STK10: variants seen among roughly 807,000 people sequenced by gnomAD.
The protein encoded by STK10 is serine/threonine-protein kinase 10.
STK10 carries 78 observed loss-of-function variants against 113.8 expected under a neutral mutation model. The observed-to-expected ratio is 0.69, with a 90% confidence interval of 0.57 to 0.83. STK10 has a LOEUF of 0.83. Ranked by LOEUF, STK10 falls within the 40% of genes least tolerant of loss-of-function variation. STK10 has a pLI of 0.00. For missense variants in STK10, 1,109 were observed against 1,280.1 expected (o/e 0.87, Z 2.04); for synonymous variants, 465 against 494.7 (o/e 0.94, Z 0.80).
intron 8 of STK10, 138 bp downstream of exon 8, chr5:172,096,288 T>C (rs546816372): frequency 2.7e-4 from 369 of 1,378,864 alleles, no homozygotes; most frequent in Admixed American, 6.0e-4. Flanking sequence ...ACCTGCAGCG[T>C]GGGAGTCTGC....
At chr5:172,068,934 A>C (rs1454014609) in intron 12 of STK10, among the ~76,000 whole-genome samples, 1 of 152,102 alleles carries the variant, frequency 6.6e-6, no homozygotes, top group East Asian at 1.9e-4. Context: ...AAAATTGAGA[A>C]AGTATCAAGA....
chr5:172,166,507 A>G (rs1736769731), intron 1 of STK10, among the ~76,000 whole-genome samples: 1 of 152,186 alleles, frequency 6.6e-6, no homozygotes, highest in African/African-American at 2.4e-5. Flanking sequence ...CATAATCTAT[A>G]AGGTGACATT....
rs1257579494 is a variant in STK10, at chr5:172,173,535, A to C, written c.156+14352T>G. On this transcript the variant is annotated intron_variant, in intron 1 of 18. Coordinates refer to ENST00000176763, the MANE Select transcript of STK10 (RefSeq NM_005990.4). ...CTTCTGGTGCCCTCAACTACAACTC[A>C]CCCTGGGGCAGGCACGGAGCTGAGA... Among the ~76,000 whole-genome samples the C allele has an allele frequency of 4.6e-5, 7 of 151,970 alleles. No homozygotes were observed. The East Asian group carries it at 1.3e-3, about 29-fold the overall frequency.
In STK10 at chr5:172,138,414, G is replaced by A. The variant is rs189029603; in HGVS notation, c.322-10993C>T. 1.7e-3 allele frequency among the ~76,000 whole-genome samples: 257 copies of A among 152,186 alleles called. 1 individual carries two copies. Among genetic ancestry groups the A allele is most frequent in the Non-Finnish European group, 2.7e-3 (186 of 68,020 alleles). Reference sequence around the variant, plus strand: ...TGGGATTACAGGCATGAGCCACTGCGCCCAGCCAATAAAATTATTTCTGTT... The same window carrying A: ...TGGGATTACAGGCATGAGCCACTGCACCCAGCCAATAAAATTATTTCTGTT... On this transcript the variant is annotated intron_variant, in intron 2 of 18. Coordinates refer to ENST00000176763, the MANE Select transcript of STK10 (RefSeq NM_005990.4).
chr5:172,153,683 T>G (rs143457189), intron 2 of STK10, among the ~76,000 whole-genome samples: 161 of 152,328 alleles, frequency 1.1e-3, no homozygotes, highest in Non-Finnish European at 1.9e-3. Context: ...CATGGAAAAG[T>G]GGGCTCCTAA....
intron 1 of STK10, among the ~76,000 whole-genome samples, chr5:172,157,426 T>C (rs577011486): frequency 2.6e-5 from 4 of 152,050 alleles, no homozygotes; most frequent in Non-Finnish European, 5.9e-5. Flanking sequence ...TGTGGTGGCA[T>C]GCGCCTGTAG....
chr5:172,138,459 T>C (rs1326031488), intron 2 of STK10, among the ~76,000 whole-genome samples: 3 of 152,138 alleles, frequency 2.0e-5, no homozygotes, highest in Non-Finnish European at 2.9e-5. Flanking sequence ...CATAATCTTA[T>C]ATGTAGAAAA....
intron 2 of STK10, among the ~76,000 whole-genome samples, chr5:172,155,608 A>AAAAG (rs1156929168): frequency 6.6e-6 from 1 of 152,118 alleles, no homozygotes; most frequent in African/African-American, 2.4e-5. Flanking sequence ...AAAAATAAAA[A>AAAAG]AAAGAAAGAA....
chr5:172,107,559 T>C (rs1262386033), intron 5 of STK10, among the ~76,000 whole-genome samples: 3 of 152,256 alleles, frequency 2.0e-5, no homozygotes, highest in African/African-American at 4.8e-5. Context: ...ATTCTCACAG[T>C]AGCCTTATTA....
intron 14 of STK10, 86 bp from the exon 15 acceptor site, chr5:172,057,559 C>T (rs1022740157): frequency 6.0e-6 from 9 of 1,497,362 alleles, no homozygotes; most frequent in African/African-American, 1.4e-5. Flanking sequence ...GCCTGGCCTC[C>T]TCATGCTGGA....
At chr5:172,110,863 G>C (rs1481698863) in intron 4 of STK10, among the ~76,000 whole-genome samples, 1 of 152,172 alleles carries the variant, frequency 6.6e-6, no homozygotes, top group Non-Finnish European at 1.5e-5. Context: ...TCTTTCACCG[G>C]CCCATGAGCC....
chr5:172,166,941 CAG>C (rs144810270), intron 1 of STK10, among the ~76,000 whole-genome samples: 7,169 of 152,084 alleles, frequency 0.047, 566 homozygotes, highest in African/African-American at 0.16. Context: ...GCGGGCGGAT[CAG>C]AAAGTCAGAA....
intron 18 of STK10, among the ~76,000 whole-genome samples, chr5:172,049,570 G>A (rs188957553): frequency 9.1e-4 from 138 of 152,030 alleles, no homozygotes; most frequent in Admixed American, 4.5e-3. Context: ...AGTAGTTCTC[G>A]AAGTGTGGTC....
At chr5:172,065,549 C>CT (rs1471562953) in intron 12 of STK10, among the ~76,000 whole-genome samples, 7 of 152,152 alleles carry the variant, frequency 4.6e-5, no homozygotes, top group Non-Finnish European at 1.0e-4. Context: ...TAGTATCCCC[C>CT]TTGTCAGCCC....
chr5:172,094,002 T>C (rs542399641), intron 8 of STK10, 42 bp from the exon 9 acceptor site: 74 of 1,306,534 alleles, frequency 5.7e-5, no homozygotes, highest in Non-Finnish European at 7.0e-5. Flanking sequence ...CATGCTGCTG[T>C]ATGTTCAAGG....
chr5:172,134,892 C>A lies in STK10; in HGVS notation c.322-7471G>T, dbSNP rs568694571. Among the ~76,000 whole-genome samples, 90 of 150,750 alleles carry A rather than the reference C, an allele frequency of 6.0e-4. 1 individual carries two copies. Among genetic ancestry groups the A allele is most frequent in the African/African-American group, 1.9e-3 (78 of 40,970 alleles). ...CGTGCAATAATTGTGACACTGCACG[C>A]CAGCCTGGGAGAAAGAACAAGACTT... On this transcript the variant is annotated intron_variant, in intron 2 of 18. Transcript: ENST00000176763.
chr5:172,147,334 T>C (rs1428447355), intron 2 of STK10, among the ~76,000 whole-genome samples: 1 of 151,510 alleles, frequency 6.6e-6, no homozygotes, highest in Non-Finnish European at 1.5e-5. Context: ...AGAGACGTGA[T>C]TGGAAAAAAA....
intron 4 of STK10, among the ~76,000 whole-genome samples, chr5:172,113,143 GT>G (rs908713113): frequency 6.6e-6 from 1 of 152,152 alleles, no homozygotes; most frequent in African/African-American, 2.4e-5. Context: ...GGTTTTGTGG[GT>G]TTTTTTGTTT....
At chr5:172,086,057 C>G (rs564925576) in intron 10 of STK10, among the ~76,000 whole-genome samples, 2 of 152,192 alleles carry the variant, frequency 1.3e-5, no homozygotes, top group Non-Finnish European at 1.5e-5. Context: ...GCTGGGTGCC[C>G]GCTCGGGGAG....
Sources: gnomAD v4.1 joint callset for allele counts (sites outside exome capture counted in the v4.1 genomes callset) on GRCh38, gnomAD v4.1.1 for gene constraint, MANE v1.5 for transcripts, NCBI Gene and HGNC (gene_info 2026-07-23, HGNC 2026-07-21) for gene names.